HMBOX1: variants seen among roughly 807,000 people sequenced by gnomAD.
HMBOX1 encodes homeobox-containing protein 1.
In HMBOX1, 14 loss-of-function variants were observed where a neutral mutation model predicts 54.5. The observed-to-expected ratio is 0.26, with a 90% CI of 0.17 to 0.40. HMBOX1 has a LOEUF of 0.40. HMBOX1 is among the 10% of genes least tolerant of loss of function. The pLI is 1.00. For synonymous variants in HMBOX1, 160 were observed against 181.0 expected (o/e 0.88, Z 0.93); for missense variants, 332 against 514.4 (o/e 0.65, Z 3.43).
chr8:28,952,176 GAAAA>G (rs1430171378), intron 1 of HMBOX1, among the ~76,000 whole-genome samples: 1 of 136,090 alleles, frequency 7.3e-6, no homozygotes, highest in Non-Finnish European at 1.6e-5. Context: ...AAAAAAAAAA[GAAAA>G]AGAAAAGAAA....
intron 1 of HMBOX1, among the ~76,000 whole-genome samples, chr8:28,908,575 C>G (rs1236784601): frequency 1.3e-5 from 2 of 152,068 alleles, no homozygotes; most frequent in African/African-American, 4.8e-5. Context: ...ACCAACATGG[C>G]CAAACCCTGT....
At chr8:29,032,448 A>G (rs1215886548) in intron 6 of HMBOX1, among the ~76,000 whole-genome samples, 2 of 148,066 alleles carry the variant, frequency 1.4e-5, no homozygotes, top group East Asian at 1.9e-4. Context: ...TTTCAATTAG[A>G]AAAAAAAAAA....
Position 29,018,793 on chromosome 8 carries a change from C to T in HMBOX1, c.731C>T (p.Pro244Leu). ...ATLSMRPAPI[P>L]IEDPEWRQTP... ...CTAAGTATGAGACCAGCCCCCATTC[C>T]AATAGAGGACCCTGAATGGAGACAA... Residue 244 changes from proline (P) to leucine (L), a missense_variant, in exon 6 of 10, where the codon CCA becomes CTA. Pro to Leu is a moderately conservative substitution (Grantham distance 98). Transcript: ENST00000287701. 6.2e-7 allele frequency: 1 copy of T among 1,614,124 alleles called. No homozygotes were observed. The highest frequency in any genetic ancestry group is 8.5e-7 in the Non-Finnish European group (1 of 1,179,972).
At chr8:28,996,275 G>A (rs370291694) in intron 4 of HMBOX1, among the ~76,000 whole-genome samples, 28,828 of 151,980 alleles carry the variant, frequency 0.19, 3,075 homozygotes, top group South Asian at 0.3. Flanking sequence ...TATACAAGTT[G>A]AATTCTTTAT....
intron 1 of HMBOX1, among the ~76,000 whole-genome samples, chr8:28,921,203 G>A (rs546713070): frequency 6.6e-6 from 1 of 152,260 alleles, no homozygotes; most frequent in Admixed American, 6.5e-5. Context: ...GGTGGTAGTG[G>A]CATATGCCTG....
chr8:28,975,593 G>A (rs914876428), intron 3 of HMBOX1, among the ~76,000 whole-genome samples: 2 of 152,178 alleles, frequency 1.3e-5, no homozygotes, highest in Admixed American at 1.3e-4. Flanking sequence ...TTGAAAAAGG[G>A]AGTAGGAGGC....
At chr8:29,000,244 TTAATGCTCAGA>T (rs1832444613) in intron 4 of HMBOX1, among the ~76,000 whole-genome samples, 1 of 152,220 alleles carries the variant, frequency 6.6e-6, no homozygotes, top group Admixed American at 6.5e-5. Context: ...GGGCATACCT[TTAATGCTCAGA>T]CAGGCAGCTT....
chr8:29,014,545 A>G (rs1006532991), intron 5 of HMBOX1, among the ~76,000 whole-genome samples: 2 of 152,244 alleles, frequency 1.3e-5, no homozygotes, highest in African/African-American at 4.8e-5. Context: ...GTTTTTAACT[A>G]CTGCTACATT....
At chr8:28,938,956 A>G (rs1200694620) in intron 1 of HMBOX1, among the ~76,000 whole-genome samples, 2 of 152,172 alleles carry the variant, frequency 1.3e-5, no homozygotes, top group Non-Finnish European at 2.9e-5. Flanking sequence ...TGGGAGTTTC[A>G]GACCAACCTG....
intron 4 of HMBOX1, among the ~76,000 whole-genome samples, chr8:28,987,675 C>T (rs940176817): frequency 3.3e-5 from 5 of 152,090 alleles, no homozygotes; most frequent in African/African-American, 1.2e-4. Context: ...ATAGTTTTGT[C>T]AGGAAGATGT....
intron 6 of HMBOX1, among the ~76,000 whole-genome samples, chr8:29,038,424 CT>C (rs1804262776): frequency 6.6e-6 from 1 of 151,980 alleles, no homozygotes; most frequent in Admixed American, 6.6e-5. Context: ...TCTGTTTTGT[CT>C]TAGAAAATGT....
At chr8:28,960,753 CTTTTTCTTTTTCTTTTTTTT>C (rs1825344354) in intron 1 of HMBOX1, among the ~76,000 whole-genome samples, 4 of 65,658 alleles carry the variant, frequency 6.1e-5, no homozygotes, top group Admixed American at 1.9e-4. Flanking sequence ...TTCTCTTTTT[CTTTTTCTTTTTCTTTTTTTT>C]TTTTTTTTTT....
intron 4 of HMBOX1, among the ~76,000 whole-genome samples, chr8:28,991,357 G>A (rs1312335637): frequency 6.6e-6 from 1 of 152,184 alleles, no homozygotes; most frequent in African/African-American, 2.4e-5. Flanking sequence ...TTTAGATACA[G>A]CAGTAGCCCT....
At chr8:28,927,746 A>C (rs558107022) in intron 1 of HMBOX1, among the ~76,000 whole-genome samples, 2 of 147,608 alleles carry the variant, frequency 1.4e-5, no homozygotes, top group African/African-American at 5.0e-5. Context: ...ATAAAAAACT[A>C]CTACTCATTT....
chr8:29,027,786 T>C (rs1207885824), intron 6 of HMBOX1, among the ~76,000 whole-genome samples: 2 of 152,220 alleles, frequency 1.3e-5, no homozygotes, highest in Non-Finnish European at 2.9e-5. Context: ...ATTGCTATAA[T>C]TTTTAATCGA....
intron 6 of HMBOX1, 27 bp from the exon 7 acceptor site, chr8:29,045,334 T>A (rs1563642173): frequency 2.2e-5 from 34 of 1,576,530 alleles, no homozygotes; most frequent in Non-Finnish European, 3.0e-5. Context: ...AATAAAAACT[T>A]TGTGTCTGTA....
At chr8:29,027,033 A>G (rs1051622689) in intron 6 of HMBOX1, among the ~76,000 whole-genome samples, 2 of 152,212 alleles carry the variant, frequency 1.3e-5, no homozygotes, top group African/African-American at 2.4e-5. Context: ...TTGTTTTTAA[A>G]GAGGACCTGA....
intron 6 of HMBOX1, among the ~76,000 whole-genome samples, chr8:29,035,504 T>C (rs1043076967): frequency 1.3e-5 from 2 of 152,204 alleles, no homozygotes; most frequent in Non-Finnish European, 2.9e-5. Flanking sequence ...AAGATGCAGC[T>C]GCCATCTAGC....
chr8:28,972,154 A>T (rs925732421), intron 3 of HMBOX1, among the ~76,000 whole-genome samples: 1 of 152,222 alleles, frequency 6.6e-6, no homozygotes, highest in African/African-American at 2.4e-5. Context: ...AATAAAGTAT[A>T]ATATTAATAC....
Sources: gnomAD v4.1 joint callset for allele counts (sites outside exome capture counted in the v4.1 genomes callset) on GRCh38, gnomAD v4.1.1 for gene constraint, MANE v1.5 for transcripts, NCBI Gene and HGNC (gene_info 2026-07-23, HGNC 2026-07-21) for gene names.